NAV1: variants seen among roughly 807,000 people sequenced by gnomAD.
NAV1 encodes neuron navigator 1.
NAV1 carries 18 observed loss-of-function variants against 175.2 expected under a neutral mutation model. The ratio of observed to expected loss-of-function variants is 0.10; its 90% confidence interval spans 0.07 to 0.15. The LOEUF (loss-of-function observed/expected upper bound fraction) is 0.15. Ranked by LOEUF, NAV1 falls within the 10% of genes least tolerant of loss-of-function variation. The pLI is 1.00. For synonymous variants in NAV1, 897 were observed against 978.7 expected (o/e 0.92, Z 1.56); for missense variants, 1,731 against 2,436.6 (o/e 0.71, Z 6.10).
At chr1:201,695,621 TC>T (rs1213509352) in intron 1 of NAV1, among the ~76,000 whole-genome samples, 3 of 152,310 alleles carry the variant, frequency 2.0e-5, no homozygotes, top group Non-Finnish European at 4.4e-5. Context: ...TGGGGACCAA[TC>T]CGAAGGTGCC....
intron 1 of NAV1, among the ~76,000 whole-genome samples, chr1:201,571,208 G>A (rs958142133): frequency 6.6e-6 from 1 of 152,260 alleles, no homozygotes; most frequent in Non-Finnish European, 1.5e-5. Flanking sequence ...TGATGAAGGA[G>A]AAGTCAGACT....
At chr1:201,606,480 C>T (rs1036747865) in intron 2 of NAV1, among the ~76,000 whole-genome samples, 6 of 152,230 alleles carry the variant, frequency 3.9e-5, no homozygotes, top group South Asian at 2.1e-4. Context: ...GTCATCTTGT[C>T]ATCCTGTCCA....
chr1:201,661,934 A>T (rs1431377671), intron 1 of NAV1, among the ~76,000 whole-genome samples: 1 of 152,242 alleles, frequency 6.6e-6, no homozygotes, highest in East Asian at 1.9e-4. Context: ...GTATTCAGTC[A>T]TTTAATCGTC....
upstream of NAV1, among the ~76,000 whole-genome samples, chr1:201,619,931 G>A (rs1668110031): frequency 6.6e-6 from 1 of 152,200 alleles, no homozygotes; most frequent in Admixed American, 6.5e-5. Context: ...TCAAATAACG[G>A]TATCAAGTCA....
intron 28 of NAV1, among the ~76,000 whole-genome samples, chr1:201,814,369 C>A (rs1192263874): frequency 2.0e-4 from 29 of 147,728 alleles, no homozygotes; most frequent in African/African-American, 4.0e-4. Flanking sequence ...GAACCTGTCT[C>A]AAAAAAAAAA....
At chr1:201,553,632 C>T (rs986679585) in intron 1 of NAV1, among the ~76,000 whole-genome samples, 1 of 152,200 alleles carries the variant, frequency 6.6e-6, no homozygotes, top group African/African-American at 2.4e-5. Context: ...TGGAACATTT[C>T]CATCAACCCA....
At chr1:201,722,841 C>T (rs1257764784) in intron 3 of NAV1, among the ~76,000 whole-genome samples, 2 of 152,206 alleles carry the variant, frequency 1.3e-5, no homozygotes, top group African/African-American at 2.4e-5. Flanking sequence ...CGCGGTGGCT[C>T]ACACCTGTAA....
At chr1:201,622,535 C>T (rs1014559631), upstream of NAV1, among the ~76,000 whole-genome samples, 2 of 152,106 alleles carry the variant, frequency 1.3e-5, no homozygotes, top group Non-Finnish European at 2.9e-5. Flanking sequence ...GAGAGTCTGT[C>T]CCCAATCAGT....
intron 15 of NAV1, 116 bp from the exon 20 acceptor site, chr1:201,803,477 G>A (rs1678068252): frequency 3.9e-6 from 4 of 1,019,498 alleles, no homozygotes; most frequent in Non-Finnish European, 5.7e-6. Context: ...AATGAATAAT[G>A]TGATTGAGGA....
At chr1:201,642,053 C>T (rs557992836) in intron 2 of NAV1, among the ~76,000 whole-genome samples, 3 of 150,250 alleles carry the variant, frequency 2.0e-5, no homozygotes, top group East Asian at 2.0e-4. Context: ...TCCTTCCTTC[C>T]CTTTTCTTTC....
Position 201,745,030 on chromosome 1 carries a change from T to C in NAV1, c.1226+26275T>C, listed in dbSNP as rs1441138620. Reference sequence around the variant, plus strand: ...ATAATAGACTGTCTTTCAGCTGTCCTTGCCCTTGCCATTGAAGCAGAATCG... The same window carrying C: ...ATAATAGACTGTCTTTCAGCTGTCCCTGCCCTTGCCATTGAAGCAGAATCG... On this transcript the variant is annotated intron_variant, in intron 3 of 29. Transcript: ENST00000367296. Among the ~76,000 whole-genome samples the C allele has an allele frequency of 4.6e-5, 7 of 152,224 alleles. 1 individual carries two copies. Among genetic ancestry groups the C allele is most frequent in the Admixed American group, 1.3e-4 (2 of 15,284 alleles).
At chr1:201,804,579 T>TAAAAA (rs377039916) in intron 17 of NAV1, 82 bp downstream of exon 21, 57 of 357,192 alleles carry the variant, frequency 1.6e-4, no homozygotes, top group African/African-American at 1.1e-3. Flanking sequence ...TCCCTTCCCC[T>TAAAAA]AAAAAAAAAA....
At chr1:201,601,464 G>C (rs578096763) in intron 2 of NAV1, among the ~76,000 whole-genome samples, 2 of 152,276 alleles carry the variant, frequency 1.3e-5, no homozygotes, top group African/African-American at 4.8e-5. Flanking sequence ...GCCTCGGTGA[G>C]GGAGTGAGAC....
chr1:201,657,969 G>A (rs1235886542), intron 1 of NAV1, among the ~76,000 whole-genome samples: 1 of 152,148 alleles, frequency 6.6e-6, no homozygotes, highest in East Asian at 1.9e-4. Flanking sequence ...GGAGGTGGAG[G>A]TTGCAGTGAT....
intron 2 of NAV1, 180 bp downstream of exon 4, chr1:201,629,687 A>G: frequency 2.9e-6 from 1 of 350,504 alleles, no homozygotes; most frequent in South Asian, 2.3e-5. Flanking sequence ...GGTCCATCAA[A>G]CCCAGGAGCC....
exon 1 of NAV1, chr1:201,648,770 G>T (rs1669073217): frequency 2.8e-6 from 4 of 1,409,184 alleles, no homozygotes; most frequent in Non-Finnish European, 3.7e-6. Flanking sequence ...GCAGGAAGGC[G>T]GCAGCGGCGG....
intron 2 of NAV1, among the ~76,000 whole-genome samples, chr1:201,713,244 TCTC>T (rs1176900653): frequency 6.6e-6 from 1 of 152,206 alleles, no homozygotes; most frequent in Non-Finnish European, 1.5e-5. Flanking sequence ...TAGACCTCTG[TCTC>T]CTCAATCTGT....
At chr1:201,660,085 G>A (rs552975311) in intron 1 of NAV1, among the ~76,000 whole-genome samples, 61 of 152,308 alleles carry the variant, frequency 4.0e-4, no homozygotes, top group African/African-American at 1.3e-3. Context: ...TGATGGTGAC[G>A]TGATGTCCAG....
intron 2 of NAV1, among the ~76,000 whole-genome samples, chr1:201,642,559 TCCC>T (rs1668823094): frequency 1.0e-5 from 1 of 98,960 alleles, no homozygotes; most frequent in African/African-American, 5.0e-5. Flanking sequence ...CTTTCTTTTT[TCCC>T]TTTCTTCCCT....
Sources: gnomAD v4.1 joint callset for allele counts (sites outside exome capture counted in the v4.1 genomes callset) on GRCh38, gnomAD v4.1.1 for gene constraint, MANE v1.5 for transcripts, NCBI Gene and HGNC (gene_info 2026-07-23, HGNC 2026-07-21) for gene names.